CAP2: variants seen among roughly 807,000 people sequenced by gnomAD.
CAP2 encodes cyclase associated actin cytoskeleton regulatory protein 2.
CAP2 carries 24 observed loss-of-function variants against 57.7 expected under a neutral mutation model. The observed-to-expected ratio is 0.42, with a 90% CI of 0.30 to 0.58. The LOEUF is 0.58. Ranked by LOEUF, CAP2 falls within the 20% of genes least tolerant of loss-of-function variation. CAP2 has a pLI of 0.22. For synonymous variants in CAP2, 194 were observed against 207.2 expected (o/e 0.94, Z 0.55); for missense variants, 501 against 590.3 (o/e 0.85, Z 1.57).
rs755465731 is a variant in CAP2 at position 17,557,082 on chromosome 6, C to T, written c.*640C>T. ...CCGAAAGTCAATTCTAATTATTCAT[C>T]TTACATATTTTTCCACCATGTCATT... On this transcript the variant is annotated 3_prime_UTR_variant, in exon 13 of 13. Coordinates refer to ENST00000229922, the MANE Select transcript of CAP2 (RefSeq NM_006366.3). The T allele has an allele frequency of 2.6e-5, 4 of 152,164 alleles. No homozygotes were observed. The highest frequency in any genetic ancestry group is 4.4e-5 in the Non-Finnish European group (3 of 68,032). 9.4% of individuals were successfully genotyped at this position (152,164 alleles called of 1,614,324 possible).
intron 3 of CAP2, among the ~76,000 whole-genome samples, chr6:17,441,428 T>C (rs924585605): frequency 1.3e-5 from 2 of 151,632 alleles, no homozygotes; most frequent in Non-Finnish European, 2.9e-5. Flanking sequence ...CTTAAGACCA[T>C]TGTATGTACA....
At chr6:17,491,309 T>A (rs1214239386) in intron 4 of CAP2, among the ~76,000 whole-genome samples, 1 of 152,224 alleles carries the variant, frequency 6.6e-6, no homozygotes, top group Non-Finnish European at 1.5e-5. Context: ...GCCTGCATTG[T>A]AAGCATGTCC....
intron 7 of CAP2, chr6:17,531,550 G>C (rs777034495): frequency 2.6e-6 from 4 of 1,542,236 alleles, no homozygotes; most frequent in Non-Finnish European, 3.5e-6. Flanking sequence ...TCAGGTGCTT[G>C]ATCTTCAGCT....
intron 7 of CAP2, among the ~76,000 whole-genome samples, chr6:17,533,564 TTTTC>T (rs1271294943): frequency 5.3e-5 from 8 of 150,330 alleles, no homozygotes; most frequent in Middle Eastern, 3.4e-3. Context: ...GATGTGCAGC[TTTTC>T]TTTCTTTTTT....
At chr6:17,510,567 A>G (rs886212616) in intron 6 of CAP2, among the ~76,000 whole-genome samples, 2 of 152,212 alleles carry the variant, frequency 1.3e-5, no homozygotes, top group Non-Finnish European at 2.9e-5. Context: ...ATTGTGCCCA[A>G]TGATATGCCT....
At chr6:17,526,865 G>A (rs1250213114) in intron 7 of CAP2, among the ~76,000 whole-genome samples, 1 of 147,860 alleles carries the variant, frequency 6.8e-6, no homozygotes, top group South Asian at 2.1e-4. Context: ...GCTGAGGCAG[G>A]AGAATCGCTG....
chr6:17,446,684 C>A (rs1302868848), intron 3 of CAP2, among the ~76,000 whole-genome samples: 1 of 152,180 alleles, frequency 6.6e-6, no homozygotes, highest in Non-Finnish European at 1.5e-5. Flanking sequence ...GAACTTTTTA[C>A]AACAAGCATG....
intron 1 of CAP2, among the ~76,000 whole-genome samples, chr6:17,406,458 A>G (rs1010917537): frequency 2.8e-5 from 4 of 142,678 alleles, no homozygotes; most frequent in South Asian, 4.4e-4. Flanking sequence ...CAAGGGTGCA[A>G]TCTCGGCTCA....
At chr6:17,405,321 G>T (rs1036254375) in intron 1 of CAP2, among the ~76,000 whole-genome samples, 4 of 152,202 alleles carry the variant, frequency 2.6e-5, no homozygotes, top group Non-Finnish European at 5.9e-5. Flanking sequence ...GGCAAAGGTT[G>T]CAGTGAGCTG....
At chr6:17,495,090 C>T (rs1761631911) in intron 4 of CAP2, among the ~76,000 whole-genome samples, 1 of 152,144 alleles carries the variant, frequency 6.6e-6, no homozygotes, top group South Asian at 2.1e-4. Flanking sequence ...GACTTGTCAG[C>T]CTCCATAATC....
chr6:17,396,224 C>T (rs1042943848), intron 1 of CAP2, among the ~76,000 whole-genome samples: 2 of 152,180 alleles, frequency 1.3e-5, no homozygotes, highest in Non-Finnish European at 2.9e-5. Context: ...ATGGTGCCCT[C>T]ACTTTGGAAA....
intron 2 of CAP2, among the ~76,000 whole-genome samples, chr6:17,423,592 T>G (rs1759501015): frequency 6.6e-6 from 1 of 151,848 alleles, no homozygotes; most frequent in Non-Finnish European, 1.5e-5. Flanking sequence ...AAAATCTAAC[T>G]ACCGGGAGAC....
rs1273062430 is a variant in CAP2, at chr6:17,513,238, C to G, written c.531-611C>G. ...GCCTTGCCTGGTTTGTATTGTCATT[C>G]AAAGTATTAAATTAAGGGAATTTAA... On this transcript the variant is annotated intron_variant, in intron 6 of 12. Transcript: ENST00000229922. This position sits in a 1 kb window ranked among gnomAD's most constrained non-coding sequence, Gnocchi z 4.3. Among the ~76,000 whole-genome samples, 6 of 152,156 alleles carry G rather than the reference C, an allele frequency of 3.9e-5. No individual in the cohort carries two copies. The East Asian group carries it at 9.7e-4, about 25-fold the overall frequency.
intron 7 of CAP2, among the ~76,000 whole-genome samples, chr6:17,514,360 C>A (rs559114312): frequency 7.9e-4 from 120 of 151,722 alleles, no homozygotes; most frequent in African/African-American, 2.8e-3. Flanking sequence ...AAAACTCTGT[C>A]CAAAAAAAGC....
chr6:17,453,392 C>T (rs547067192), intron 3 of CAP2, among the ~76,000 whole-genome samples: 6 of 152,098 alleles, frequency 3.9e-5, no homozygotes, highest in Non-Finnish European at 8.8e-5. Context: ...AACTGTGTAT[C>T]GGGAAAAGAC....
chr6:17,528,502 C>T (rs1303299079), intron 7 of CAP2, among the ~76,000 whole-genome samples: 2 of 152,078 alleles, frequency 1.3e-5, no homozygotes, highest in Non-Finnish European at 2.9e-5. Flanking sequence ...TCCAGGTCAT[C>T]AAAGGAATGA....
At chr6:17,440,979 G>A (rs1375122520) in intron 3 of CAP2, among the ~76,000 whole-genome samples, 1 of 151,200 alleles carries the variant, frequency 6.6e-6, no homozygotes, top group Admixed American at 6.6e-5. Context: ...CTTCATCCGT[G>A]TCGCTACAAA....
chr6:17,432,661 A>T (rs1490667206), intron 3 of CAP2, among the ~76,000 whole-genome samples: 3 of 152,114 alleles, frequency 2.0e-5, no homozygotes, highest in African/African-American at 7.2e-5. Context: ...GATAGCCAGA[A>T]TTTTTAGAGA....
intron 1 of CAP2, among the ~76,000 whole-genome samples, chr6:17,403,323 A>C (rs1758863906): frequency 6.6e-6 from 1 of 152,180 alleles, no homozygotes; most frequent in Non-Finnish European, 1.5e-5. Context: ...GGCTGGTCTC[A>C]AACTCCTGAC....
Sources: allele counts gnomAD v4.1 joint callset (sites outside exome capture counted in the v4.1 genomes callset), GRCh38; gene constraint gnomAD v4.1.1; non-coding constraint Gnocchi (gnomAD v3.1); transcripts MANE v1.5; gene names NCBI Gene and HGNC (gene_info 2026-07-23, HGNC 2026-07-21).